The following SHISA9 variants were observed in gnomAD, a reference collection of about 807,000 sequenced individuals.
SHISA9 encodes the protein shisa family member 9.
A neutral mutation model predicts 38.0 loss-of-function variants in SHISA9; 13 were observed. The observed-to-expected ratio is 0.34, with a 90% CI of 0.22 to 0.54. The LOEUF (loss-of-function observed/expected upper bound fraction) is 0.54, where lower values mean the gene tolerates loss of function less well. Ranked by LOEUF, SHISA9 falls within the 20% of genes least tolerant of loss-of-function variation. The probability of loss-of-function intolerance (pLI) is 0.91; values close to 1 mark genes in which losing one functional copy is unlikely to be tolerated. For missense variants in SHISA9, 538 were observed against 575.8 expected (o/e 0.93, Z 0.67); for synonymous variants, 275 against 242.0 (o/e 1.14, Z -1.27).
the SHISA9 span, among the ~76,000 whole-genome samples, chr16:13,345,301 C>A: frequency 1.3e-5 from 2 of 152,082 alleles, no homozygotes; most frequent in Admixed American, 1.3e-4. Context: ...CTTTTCCCCT[C>A]TGTGTTCATG....
the SHISA9 span, among the ~76,000 whole-genome samples, chr16:13,561,541 C>T: frequency 6.6e-6 from 1 of 152,308 alleles, no homozygotes; most frequent in South Asian, 2.1e-4. Context: ...AAAATCACTT[C>T]CGCTACTTTT....
intron 2 of SHISA9, among the ~76,000 whole-genome samples, chr16:13,197,249 C>T (rs1316720161): frequency 2.0e-5 from 3 of 151,966 alleles, no homozygotes; most frequent in Non-Finnish European, 2.9e-5. Context: ...CACTATTTGA[C>T]CATCTAGTGC....
chr16:12,916,061 T>A, intron 1 of SHISA9, among the ~76,000 whole-genome samples: 1 of 138,000 alleles, frequency 7.2e-6, no homozygotes, highest in Non-Finnish European at 1.5e-5. Context: ...TGAAGGTCAC[T>A]GTCACAGGTT....
At chr16:12,949,607 T>C (rs1222424448) in intron 2 of SHISA9, among the ~76,000 whole-genome samples, 1 of 152,210 alleles carries the variant, frequency 6.6e-6, no homozygotes, top group Non-Finnish European at 1.5e-5. Context: ...AAAATAGATG[T>C]CAACATCATT....
the SHISA9 span, among the ~76,000 whole-genome samples, chr16:13,476,859 C>T: frequency 9.4e-5 from 14 of 149,644 alleles, no homozygotes; most frequent in East Asian, 1.0e-3. Context: ...CGCCATTCTC[C>T]TGCCTCAGCC....
At chr16:13,034,411 G>T (rs1338197057) in intron 2 of SHISA9, among the ~76,000 whole-genome samples, 2 of 152,174 alleles carry the variant, frequency 1.3e-5, no homozygotes, top group Non-Finnish European at 2.9e-5. Context: ...TGAAAGTCAG[G>T]TCATTGGGAT....
intron 2 of SHISA9, among the ~76,000 whole-genome samples, chr16:13,056,607 G>A (rs1400244763): frequency 3.3e-5 from 5 of 152,210 alleles, no homozygotes; most frequent in Admixed American, 3.3e-4. Flanking sequence ...GATTGTCTGA[G>A]TTCAGACTCA....
intron 2 of SHISA9, among the ~76,000 whole-genome samples, chr16:13,036,641 G>T (rs1463724253): frequency 6.6e-6 from 1 of 151,916 alleles, no homozygotes; most frequent in Non-Finnish European, 1.5e-5. Context: ...CCATAAAGTT[G>T]ATTTTCAAAG....
chr16:12,908,874 C>T, intron 1 of SHISA9: 7 of 1,090,210 alleles, frequency 6.4e-6, no homozygotes, highest in Non-Finnish European at 7.8e-6. Context: ...ATTATTTTGT[C>T]CACCTTCAAA....
At chr16:13,539,277 G>T in the SHISA9 span, among the ~76,000 whole-genome samples, 1 of 131,134 alleles carries the variant, frequency 7.6e-6, no homozygotes, top group Non-Finnish European at 1.7e-5. Flanking sequence ...CCACAGGTGT[G>T]TACCACCACA....
At chr16:13,552,743 GT>G in the SHISA9 span, among the ~76,000 whole-genome samples, 7 of 151,070 alleles carry the variant, frequency 4.6e-5, no homozygotes, top group East Asian at 1.9e-4. Flanking sequence ...TTTTTAAACA[GT>G]TTTTTTTTAA....
chr16:12,970,342 T>C (rs181962465), intron 2 of SHISA9, among the ~76,000 whole-genome samples: 2,340 of 77,112 alleles, frequency 0.03, 109 homozygotes, highest in Middle Eastern at 0.06. Flanking sequence ...TATATATATA[T>C]ACATATATGT....
At chr16:13,478,988 G>A in the SHISA9 span, among the ~76,000 whole-genome samples, 2 of 152,170 alleles carry the variant, frequency 1.3e-5, no homozygotes, top group South Asian at 2.1e-4. Flanking sequence ...ACACAAGTCT[G>A]TCATGTTTAC....
chr16:13,199,896 A>G (rs2050987633), intron 2 of SHISA9, among the ~76,000 whole-genome samples: 1 of 152,172 alleles, frequency 6.6e-6, no homozygotes, highest in Non-Finnish European at 1.5e-5. Flanking sequence ...CTGCTTTTCA[A>G]CTGCCAGCTC....
At chr16:13,106,080 A>C (rs1333573447) in intron 2 of SHISA9, among the ~76,000 whole-genome samples, 1 of 152,150 alleles carries the variant, frequency 6.6e-6, no homozygotes, top group African/African-American at 2.4e-5. Context: ...ACTGAGCCTG[A>C]GAGAGATCAA....
chr16:13,228,899 A>T (rs1000902701), intron 4 of SHISA9, among the ~76,000 whole-genome samples: 1 of 152,028 alleles, frequency 6.6e-6, no homozygotes, highest in African/African-American at 2.4e-5. Flanking sequence ...GGTGGCTCAC[A>T]CCTGTAATCC....
At chr16:13,533,807 A>G in the SHISA9 span, among the ~76,000 whole-genome samples, 2 of 142,324 alleles carry the variant, frequency 1.4e-5, no homozygotes, top group African/African-American at 2.7e-5. Flanking sequence ...TTTTTGAGAC[A>G]GAGTCTCGCT....
At chr16:13,528,422 A>T in the SHISA9 span, among the ~76,000 whole-genome samples, 3 of 152,054 alleles carry the variant, frequency 2.0e-5, no homozygotes, top group African/African-American at 7.2e-5. Context: ...CAAAAAAAAA[A>T]ATAAGAAAAA....
intron 2 of SHISA9, among the ~76,000 whole-genome samples, chr16:12,926,459 T>C (rs1457882793): frequency 6.6e-6 from 1 of 152,204 alleles, no homozygotes; most frequent in Non-Finnish European, 1.5e-5. Flanking sequence ...CGCTGATATT[T>C]ATTAAAATAC....
Sources: gnomAD v4.1 joint callset for allele counts (sites outside exome capture counted in the v4.1 genomes callset) on GRCh38, gnomAD v4.1.1 for gene constraint, MANE v1.5 for transcripts, NCBI Gene and HGNC (gene_info 2026-07-23, HGNC 2026-07-21) for gene names.